Variants in ABCG1 observed in about 807,000 individuals in gnomAD.
ABCG1 encodes ATP binding cassette subfamily G member 1.
ABCG1 carries 29 observed loss-of-function variants against 69.2 expected under a neutral mutation model. The observed-to-expected ratio is 0.42, with a 90% CI of 0.31 to 0.57. The LOEUF (loss-of-function observed/expected upper bound fraction) is 0.57. ABCG1 is among the 20% of genes least tolerant of loss of function. The pLI is 0.15. For missense variants in ABCG1, 718 were observed against 898.1 expected (o/e 0.80, Z 2.56); for synonymous variants, 370 against 374.8 (o/e 0.99, Z 0.15).
intron 2 of ABCG1, among the ~76,000 whole-genome samples, chr21:42,229,802 C>T (rs2067875000): frequency 6.6e-6 from 1 of 152,148 alleles, no homozygotes; most frequent in Non-Finnish European, 1.5e-5. Flanking sequence ...GAAACAGGAG[C>T]TCGGGCGCAG....
At chr21:42,294,426 C>T in intron 13 of ABCG1, 116 bp from the exon 14 acceptor site, 1 of 789,650 alleles carries the variant, frequency 1.3e-6, no homozygotes, top group Non-Finnish European at 2.2e-6. Context: ...ATCATCATTA[C>T]CCTGCCCAGA....
chr21:42,247,943 A>C (rs890252399), intron 2 of ABCG1, among the ~76,000 whole-genome samples: 5 of 152,070 alleles, frequency 3.3e-5, no homozygotes, highest in Admixed American at 1.3e-4. Flanking sequence ...CTCCGGAGGG[A>C]GTGTGGCATC....
Position 42,273,984 on chromosome 21 carries a change from A to G in ABCG1, c.537+549A>G, listed in dbSNP as rs1270187869. ...CACACCAGATATGTCATCCCAAAAAAGTGGGTGGGAAATGGAGCTTCCCCC... is the reference window on the plus strand; with the variant it reads ...CACACCAGATATGTCATCCCAAAAAGGTGGGTGGGAAATGGAGCTTCCCCC... On this transcript the variant is annotated intron_variant, in intron 4 of 14. Coordinates refer to ENST00000398449, the MANE Select transcript of ABCG1 (RefSeq NM_016818.3). This position sits in a 1 kb window ranked among gnomAD's most constrained non-coding sequence, Gnocchi z 5.3. 6.6e-6 allele frequency among the ~76,000 whole-genome samples: 1 copy of G among 152,180 alleles called. No homozygotes were observed. Among genetic ancestry groups the G allele is most frequent in the African/African-American group, 2.4e-5 (1 of 41,442 alleles).
At chr21:42,214,935 GT>G (rs1371066249), upstream of ABCG1, among the ~76,000 whole-genome samples, 1 of 152,182 alleles carries the variant, frequency 6.6e-6, no homozygotes, top group African/African-American at 2.4e-5. Flanking sequence ...AGCTTTCTTT[GT>G]TTTTTTGTTT....
chr21:42,251,432 A>T (rs2068219045), intron 2 of ABCG1, among the ~76,000 whole-genome samples: 1 of 152,230 alleles, frequency 6.6e-6, no homozygotes, highest in Non-Finnish European at 1.5e-5. Context: ...AAGTCTGAAG[A>T]TGAATAAGGA....
upstream of ABCG1, among the ~76,000 whole-genome samples, chr21:42,215,869 A>G (rs1056574062): frequency 6.6e-6 from 1 of 152,214 alleles, no homozygotes; most frequent in African/African-American, 2.4e-5. Flanking sequence ...CAGTTTGCTA[A>G]TGGTGACAAC....
chr21:42,277,557 G>C (rs1243187502), intron 5 of ABCG1, among the ~76,000 whole-genome samples: 1 of 152,148 alleles, frequency 6.6e-6, no homozygotes, highest in Admixed American at 6.5e-5. Flanking sequence ...CACAGAGGAA[G>C]GAGGCCACCA....
At chr21:42,282,539 C>G (rs765728081) in intron 6 of ABCG1, 120 bp downstream of exon 6, 1 of 1,221,206 alleles carries the variant, frequency 8.2e-7, no homozygotes, top group Non-Finnish European at 1.1e-6. Flanking sequence ...TGAGCTCACC[C>G]GGCGGTTCCT....
intron 2 of ABCG1, among the ~76,000 whole-genome samples, chr21:42,231,152 C>T (rs1242053398): frequency 1.3e-5 from 2 of 152,240 alleles, no homozygotes; most frequent in Admixed American, 6.5e-5. Context: ...TCCAGCTTCC[C>T]TCTTCTCACC....
chr21:42,290,488 C>T (rs2146342168), intron 11 of ABCG1, among the ~76,000 whole-genome samples: 1 of 152,306 alleles, frequency 6.6e-6, no homozygotes, highest in South Asian at 2.1e-4. Context: ...CTCAAAGATT[C>T]ACTAATTAGG....
intron 2 of ABCG1, among the ~76,000 whole-genome samples, chr21:42,265,594 A>G (rs951775305): frequency 1.3e-5 from 2 of 152,136 alleles, no homozygotes; most frequent in Non-Finnish European, 2.9e-5. Flanking sequence ...TAGCACGTTC[A>G]GGGGGAGCAC....
intron 1 of ABCG1, among the ~76,000 whole-genome samples, chr21:42,221,571 C>T (rs1223008336): frequency 6.6e-6 from 1 of 152,168 alleles, no homozygotes; most frequent in African/African-American, 2.4e-5. Flanking sequence ...CCAAGTGACC[C>T]CTCAAGTGCG....
intron 2 of ABCG1, chr21:42,256,620 A>G (rs1339300591): frequency 1.3e-6 from 2 of 1,500,754 alleles, no homozygotes; most frequent in Admixed American, 4.1e-5. Flanking sequence ...GGCACAGGTC[A>G]GCTCTCAGAG....
upstream of ABCG1, chr21:42,219,106 G>T (rs1013375729): frequency 6.1e-5 from 38 of 621,554 alleles, no homozygotes; most frequent in Non-Finnish European, 7.8e-5. The surrounding 1 kb of genome is among the most constrained non-coding windows in gnomAD (Gnocchi z 5.3). Context: ...GGGGTCGGGC[G>T]CGCTGGAACC....
rs564184696 is a variant in ABCG1 at position 42,243,791 on chromosome 21, C to T, written c.286+17877C>T. 3.5e-4 allele frequency among the ~76,000 whole-genome samples: 50 copies of T among 142,472 alleles called. No homozygotes were observed. The South Asian group carries it at 3.6e-3, about 10-fold the overall frequency. The allele number at this position is 142,472 out of a possible 152,430, so 93.5% of individuals were successfully genotyped here. On this transcript the variant is annotated intron_variant, in intron 2 of 14. Transcript: ENST00000398449. ...TAAACTAGTAATTTTCTTTCCTCTT[C>T]TGTAAGCCCTCTTTATCTTTGGCTT...
In ABCG1 at chr21:42,296,176, A is replaced by G. The variant is rs774753446; in HGVS notation, c.1785A>G (p.Glu595=). Residue 595 remains glutamate, a synonymous_variant, in exon 15 of 15, where the codon GAA becomes GAG. Transcript: ENST00000398449. This position sits in a 1 kb window ranked among gnomAD's most constrained non-coding sequence, Gnocchi z 5.4. The part of the protein sequence containing the change: ...SYISYVRYGF[E]GVILSIYGLD... ...CCTTTCCTCCTAGGTATGGGTTCGA[A>G]GGGGTCATCCTCTCCATCTATGGCT... 6.2e-7 allele frequency: 1 copy of G among 1,613,964 alleles called. No individual in the cohort carries two copies. Among genetic ancestry groups the G allele is most frequent in the Non-Finnish European group, 8.5e-7 (1 of 1,179,966 alleles).
chr21:42,292,060 C>T (rs1245186070), intron 13 of ABCG1, among the ~76,000 whole-genome samples: 1 of 152,168 alleles, frequency 6.6e-6, no homozygotes, highest in East Asian at 1.9e-4. Flanking sequence ...ATCACTGCCT[C>T]TGTGGGGTTC....
intron 2 of ABCG1, among the ~76,000 whole-genome samples, chr21:42,246,880 TA>T (rs1331970593): frequency 2.0e-5 from 3 of 152,144 alleles, no homozygotes; most frequent in Admixed American, 2.0e-4. Context: ...CATCATTAAT[TA>T]AAAAGTCTCA....
chr21:42,256,252 A>G (rs1168632069), intron 2 of ABCG1: 3 of 1,485,172 alleles, frequency 2.0e-6, no homozygotes, highest in Non-Finnish European at 2.7e-6. Flanking sequence ...TGCAACAGAC[A>G]GAACACTTAC....
Sources: gnomAD v4.1 joint callset for allele counts (sites outside exome capture counted in the v4.1 genomes callset) on GRCh38, gnomAD v4.1.1 for gene constraint, Gnocchi (gnomAD v3.1) non-coding constraint, MANE v1.5 for transcripts, NCBI Gene and HGNC (gene_info 2026-07-23, HGNC 2026-07-21) for gene names.